Variants in TRPV1 observed in about 807,000 individuals in gnomAD.
TRPV1 encodes the protein OTRPC1.
Under a neutral mutation model 82.3 loss-of-function variants are expected in TRPV1, and 82 were observed. The ratio of observed to expected loss-of-function variants is 1.00; its 90% CI spans 0.83 to 1.20. The LOEUF is 1.20. Among genes scored for constraint, TRPV1 ranks in the 50% most tolerant of loss-of-function variants. The pLI is 0.00. For missense variants in TRPV1, 1,067 were observed against 1,096.8 expected (o/e 0.97, Z 0.38); for synonymous variants, 515 against 467.7 (o/e 1.10, Z -1.30).
intron 7 of TRPV1, among the ~76,000 whole-genome samples, chr17:3,588,654 C>CA (rs3837860): frequency 0.1 from 15,290 of 148,708 alleles, 997 homozygotes; most frequent in East Asian, 0.27. Flanking sequence ...ACTGAAAATA[C>CA]AAAAAAAAAA....
chr17:3,598,494 C>T (rs1346474708), intron 2 of TRPV1, among the ~76,000 whole-genome samples: 1 of 151,450 alleles, frequency 6.6e-6, no homozygotes, highest in South Asian at 2.1e-4. Context: ...CCAGGCCGCA[C>T]GTTGGTCTAG....
At chr17:3,582,155 A>G (rs1376576118) in intron 10 of TRPV1, among the ~76,000 whole-genome samples, 1 of 133,388 alleles carries the variant, frequency 7.5e-6, no homozygotes, top group Non-Finnish European at 1.5e-5. Flanking sequence ...GTGCCACTGC[A>G]CTCCAGCCTG....
chr17:3,598,495 G>A (rs968575947), intron 2 of TRPV1, among the ~76,000 whole-genome samples: 4 of 151,242 alleles, frequency 2.6e-5, no homozygotes, highest in African/African-American at 7.3e-5. Context: ...CAGGCCGCAC[G>A]TTGGTCTAGG....
At chr17:3,601,100 G>A (rs940166941) in intron 2 of TRPV1, among the ~76,000 whole-genome samples, 3 of 151,824 alleles carry the variant, frequency 2.0e-5, no homozygotes, top group Non-Finnish European at 4.4e-5. Flanking sequence ...AGCAGTCCCT[G>A]CCTGGAAAGG....
intron 7 of TRPV1, among the ~76,000 whole-genome samples, chr17:3,588,598 C>A (rs992127526): frequency 6.6e-6 from 1 of 151,964 alleles, no homozygotes; most frequent in African/African-American, 2.4e-5. Context: ...CACCTGAGGT[C>A]AGGATTTTGA....
At chr17:3,590,425 C>A in intron 5 of TRPV1, 33 bp from the exon 6 acceptor site, 2 of 1,607,000 alleles carry the variant, frequency 1.2e-6, no homozygotes, top group South Asian at 2.2e-5. Flanking sequence ...GCTTCGTGGT[C>A]ACGGTCCTGT....
intron 2 of TRPV1, among the ~76,000 whole-genome samples, chr17:3,603,335 G>T (rs1040409836): frequency 6.6e-6 from 1 of 152,078 alleles, no homozygotes; most frequent in Non-Finnish European, 1.5e-5. Flanking sequence ...GAACGCTGGA[G>T]CCCCGCTCTG....
chr17:3,590,796 G>A lies in TRPV1; in HGVS notation c.604+168C>T, dbSNP rs2277678. ...GACCCCCAGGACCAGGAGAAATCAA[G>A]CCAGCAGATGGGAGAGGCAGGGACC... On this transcript the variant is annotated intron_variant, in intron 5 of 16. Transcript: ENST00000572705. Among the ~76,000 whole-genome samples, 51 of 152,218 alleles carry A rather than the reference G, an allele frequency of 3.4e-4. No individual in the cohort carries two copies. In the East Asian group the frequency reaches 9.5e-3, roughly 28 times the overall value.
Position 3,591,040 on chromosome 17 carries a change from C to CAGGG in TRPV1, c.524_527dup (p.Leu177ProfsTer63), listed in dbSNP as rs1291197645. 2 of 1,612,868 alleles carry CAGGG rather than the reference C, an allele frequency of 1.2e-6. No individual in the cohort carries two copies. The highest frequency in any genetic ancestry group is 1.7e-6 in the Non-Finnish European group (2 of 1,179,524). ...CCGTTTGCCGCGCGATCTCCAGGAG[C>CAGGG]AGGGGGATGGTGGTGTTCTGTCCGT... On this transcript the variant is annotated frameshift_variant, in exon 5 of 17. Coordinates refer to ENST00000572705, the MANE Select transcript of TRPV1 (RefSeq NM_080704.4). LOFTEE classifies it high-confidence loss of function.
chr17:3,576,768 G>A (rs2150831778), intron 13 of TRPV1, among the ~76,000 whole-genome samples: 1 of 140,382 alleles, frequency 7.1e-6, no homozygotes, highest in South Asian at 2.3e-4. Context: ...AGAATTGCTT[G>A]AACCCAGGAG....
At chr17:3,603,157 A>G (rs926763906) in intron 2 of TRPV1, among the ~76,000 whole-genome samples, 3 of 151,972 alleles carry the variant, frequency 2.0e-5, no homozygotes, top group African/African-American at 7.2e-5. Context: ...AAAAAGAAAA[A>G]TACCCTCCTT....
chr17:3,577,776 G>A lies in TRPV1; in HGVS notation c.1548-13C>T, dbSNP rs2074954493. On this transcript the variant is annotated splice_polypyrimidine_tract_variant and intron_variant, in intron 11 of 16. Coordinates refer to ENST00000572705, the MANE Select transcript of TRPV1 (RefSeq NM_080704.4). ...TGACTGCAGAAAGCTGCGGGTGGAGGGGCAGAAAGCTCCGTCTACGGGAAC... is the reference window on the plus strand; with the variant it reads ...TGACTGCAGAAAGCTGCGGGTGGAGAGGCAGAAAGCTCCGTCTACGGGAAC... 1.3e-6 allele frequency: 2 copies of A among 1,584,352 alleles called. No homozygotes were observed. Among genetic ancestry groups the A allele is most frequent in the South Asian group, 1.2e-5 (1 of 86,590 alleles).
At chr17:3,600,602 G>GAAACA (rs2075254076) in intron 2 of TRPV1, among the ~76,000 whole-genome samples, 1 of 152,008 alleles carries the variant, frequency 6.6e-6, no homozygotes, top group Admixed American at 6.6e-5. Context: ...AAAACAAAAC[G>GAAACA]AAACAAAACA....
chr17:3,591,070 C>G lies in TRPV1; in HGVS notation c.498G>C (p.Leu166=). 6.2e-7 allele frequency: 1 copy of G among 1,613,102 alleles called. No individual in the cohort carries two copies. The highest frequency in any genetic ancestry group is 8.5e-7 in the Non-Finnish European group (1 of 1,179,582). Residue 166 remains leucine, a synonymous_variant, in exon 5 of 17, where the codon CTG becomes CTC. Transcript: ENST00000572705. ...GGATGGTGGTGTTCTGTCCGTCGTG[C>G]AGGTTGAGCATGGCTTTCAGCAGAC... The part of the protein sequence containing the change: ...KTCLLKAMLN[L]HDGQNTTIPL...
At chr17:3,574,917 C>CAAAAAAAAA (rs55990804) in intron 13 of TRPV1, among the ~76,000 whole-genome samples, 1 of 82,942 alleles carries the variant, frequency 1.2e-5, no homozygotes, top group Non-Finnish European at 2.4e-5. Flanking sequence ...GACTCTATCT[C>CAAAAAAAAA]AAAAAAAAAA....
chr17:3,586,340 G>A (rs1024265585), intron 8 of TRPV1, among the ~76,000 whole-genome samples: 9 of 152,240 alleles, frequency 5.9e-5, no homozygotes, highest in Non-Finnish European at 1.3e-4. Context: ...CACTTCTCAC[G>A]TTTCCAGCCC....
At position 3,603,444 on chromosome 17, in the gene TRPV1, C is replaced by T. The variant is rs12601809; in HGVS notation, c.-34+4983G>A. Among the ~76,000 whole-genome samples the T allele has an allele frequency of 5.3e-5, 8 of 152,156 alleles. No homozygotes were observed. In the East Asian group the frequency reaches 1.4e-3, roughly 26 times the overall value. The stretch of plus-strand genomic sequence containing the variant: ...ACCTGGACCTTGGATGGAAGAGGCC[C>T]GCGTGTGCTAGATGCCGGCTGTATG... On this transcript the variant is annotated intron_variant, in intron 2 of 16. Transcript: ENST00000572705.
intron 12 of TRPV1, 61 bp from the exon 13 acceptor site, chr17:3,577,253 G>C: frequency 6.5e-7 from 1 of 1,535,608 alleles, no homozygotes; most frequent in African/African-American, 1.4e-5. Context: ...TGAGGGAAGG[G>C]CCGGGCCGCA....
At chr17:3,608,868 A>G (rs745792165) in intron 1 of TRPV1, 1 of 152,166 alleles carries the variant, frequency 6.6e-6, no homozygotes, top group African/African-American at 2.4e-5. Context: ...TGTTTTATTT[A>G]AGGCACAAGA....
Sources: allele counts gnomAD v4.1 joint callset (sites outside exome capture counted in the v4.1 genomes callset), GRCh38; gene constraint gnomAD v4.1.1; transcripts MANE v1.5; gene names NCBI Gene and HGNC (gene_info 2026-07-23, HGNC 2026-07-21).